DLGAP1: variants seen among roughly 807,000 people sequenced by gnomAD.
The protein encoded by DLGAP1 is disks large-associated protein 1.
Under a neutral mutation model 90.8 loss-of-function variants are expected in DLGAP1, and 11 were observed. That is an observed-to-expected ratio of 0.12 (90% CI 0.08 to 0.20). DLGAP1 has a LOEUF of 0.20. DLGAP1 is among the 10% of genes least tolerant of loss of function. The pLI is 1.00. For missense variants in DLGAP1, 1,050 were observed against 1,333.8 expected (o/e 0.79, Z 3.31); for synonymous variants, 558 against 540.7 (o/e 1.03, Z -0.44).
intron 1 of DLGAP1, among the ~76,000 whole-genome samples, chr18:4,193,689 T>TA (rs1386062896): frequency 1.3e-5 from 2 of 152,222 alleles, no homozygotes; most frequent in African/African-American, 4.8e-5. Context: ...CTTCTGTTAG[T>TA]GTTTTATAAA....
At chr18:3,551,722 C>CCCTCCCTCCCTTCCTACCTT (rs2053473560) in intron 9 of DLGAP1, among the ~76,000 whole-genome samples, 2 of 12,538 alleles carry the variant, frequency 1.6e-4, no homozygotes, top group African/African-American at 7.8e-4. Flanking sequence ...CTCCCTCCCT[C>CCCTCCCTCCCTTCCTACCTT]CCTTCCTTCC....
intron 1 of DLGAP1, among the ~76,000 whole-genome samples, chr18:4,371,155 T>C (rs553543492): frequency 4.7e-4 from 72 of 152,348 alleles, no homozygotes; most frequent in African/African-American, 1.7e-3. Context: ...TGCAGGTGTC[T>C]GAGATATAAG....
chr18:4,228,778 T>C lies in DLGAP1; in HGVS notation c.-266-77491A>G, dbSNP rs116224338. On this transcript the variant is annotated intron_variant, in intron 1 of 12. Coordinates refer to ENST00000315677, the MANE Select transcript of DLGAP1 (RefSeq NM_004746.4). The stretch of plus-strand genomic sequence containing the variant: ...TGAAAGCCTAGCCTCTAAGATCTGG[T>C]AAGCAACAAGCATGTACACTTTCAG... 2.1e-3 allele frequency among the ~76,000 whole-genome samples: 326 copies of C among 152,024 alleles called. 5 individuals carry two copies. The highest frequency in any genetic ancestry group is 7.6e-3 in the African/African-American group (316 of 41,532).
intron 3 of DLGAP1, among the ~76,000 whole-genome samples, chr18:3,933,830 C>T (rs2072573670): frequency 6.6e-6 from 1 of 152,114 alleles, no homozygotes; most frequent in African/African-American, 2.4e-5. Context: ...ACAATGTTTT[C>T]CAGTAGCCAT....
At chr18:4,106,049 AAAAAAAAAAAGTTGCAATT>A (rs2075860593) in intron 2 of DLGAP1, among the ~76,000 whole-genome samples, 1 of 116,676 alleles carries the variant, frequency 8.6e-6, no homozygotes, top group Non-Finnish European at 1.8e-5. Flanking sequence ...AAAAAAAAAA[AAAAAAAAAAAGTTGCAATT>A]AAACTAAAAA....
intron 2 of DLGAP1, among the ~76,000 whole-genome samples, chr18:4,135,039 T>C (rs1256056716): frequency 1.3e-5 from 2 of 152,108 alleles, no homozygotes; most frequent in African/African-American, 2.4e-5. Flanking sequence ...CAGTAGAAAC[T>C]ACCAGCAGAG....
intron 1 of DLGAP1, among the ~76,000 whole-genome samples, chr18:4,441,979 T>C (rs1435446331): frequency 1.3e-5 from 2 of 152,082 alleles, no homozygotes; most frequent in African/African-American, 4.8e-5. Context: ...CTGTAAACCA[T>C]CATATCACTT....
Position 4,266,478 on chromosome 18 carries a change from C to T in DLGAP1, c.-266-115191G>A, listed in dbSNP as rs147174718. ...GGCCTCGCTAGATCAACGGGGAGCA[C>T]AGAGCATAGGTATCTTCAGAGCTGA... On this transcript the variant is annotated intron_variant, in intron 1 of 12. Transcript: ENST00000315677. Among the ~76,000 whole-genome samples the T allele has an allele frequency of 2.0e-3, 305 of 152,336 alleles. 2 individuals carry two copies. Among genetic ancestry groups the T allele is most frequent in the African/African-American group, 6.7e-3 (279 of 41,588 alleles).
At chr18:3,708,247 TC>T in intron 7 of DLGAP1, 1 of 362,262 alleles carries the variant, frequency 2.8e-6, no homozygotes, top group South Asian at 2.1e-5. Flanking sequence ...CTTCAAGTGA[TC>T]CACCTGCCTC....
rs56188300 is a variant in DLGAP1, at chr18:3,521,304, T to C, written c.2480-12643A>G. ...GTTTCATTAAGGGAACTATAGGGTT[T>C]TCTTATCTCATGTAATTCTCATGCT... is the stretch of plus-strand genomic sequence containing the variant. On this transcript the variant is annotated intron_variant, in intron 10 of 12. Coordinates refer to ENST00000315677, the MANE Select transcript of DLGAP1 (RefSeq NM_004746.4). 9.6e-3 allele frequency among the ~76,000 whole-genome samples: 1,469 copies of C among 152,294 alleles called. 7 individuals are homozygous for C. Among genetic ancestry groups the C allele is most frequent in the Middle Eastern group, 0.017 (5 of 294 alleles).
At chr18:3,994,101 T>A (rs1190076114) in intron 3 of DLGAP1, among the ~76,000 whole-genome samples, 1 of 152,062 alleles carries the variant, frequency 6.6e-6, no homozygotes, top group Non-Finnish European at 1.5e-5. Flanking sequence ...CCTGTGACCC[T>A]CCCTTTCCTA....
At chr18:4,355,780 A>G (rs1420462126) in intron 1 of DLGAP1, among the ~76,000 whole-genome samples, 2 of 139,204 alleles carry the variant, frequency 1.4e-5, no homozygotes, top group African/African-American at 5.5e-5. Flanking sequence ...TTGTGAATCT[A>G]TAATTTCAAA....
At chr18:4,192,336 C>T (rs1385424883) in intron 1 of DLGAP1, among the ~76,000 whole-genome samples, 2 of 152,144 alleles carry the variant, frequency 1.3e-5, no homozygotes, top group African/African-American at 4.8e-5. Context: ...CTTGTCAATG[C>T]ACACCTTTCA....
Position 4,347,690 on chromosome 18 carries a change from C to T in DLGAP1, c.-267+107316G>A, listed in dbSNP as rs550675503. Among the ~76,000 whole-genome samples, 24 of 152,002 alleles carry T rather than the reference C, an allele frequency of 1.6e-4. No homozygotes were observed. The East Asian group carries it at 3.7e-3, about 23-fold the overall frequency. ...TATTAAAAATATATATTTGTCAATGCTAAAATTGGTATTTTAATTGGACAA... is the reference window on the plus strand; with the variant it reads ...TATTAAAAATATATATTTGTCAATGTTAAAATTGGTATTTTAATTGGACAA... On this transcript the variant is annotated intron_variant, in intron 1 of 12. Coordinates refer to ENST00000315677, the MANE Select transcript of DLGAP1 (RefSeq NM_004746.4).
At chr18:3,954,137 A>G (rs190011810) in intron 3 of DLGAP1, among the ~76,000 whole-genome samples, 279 of 152,334 alleles carry the variant, frequency 1.8e-3, no homozygotes, top group African/African-American at 6.4e-3. Context: ...GTAAGAAGGT[A>G]TTTTTATTTT....
At chr18:4,286,364 T>C (rs2079691713) in intron 1 of DLGAP1, among the ~76,000 whole-genome samples, 1 of 152,124 alleles carries the variant, frequency 6.6e-6, no homozygotes, top group African/African-American at 2.4e-5. Flanking sequence ...AGGACCGTTC[T>C]CTGAGCCTAG....
chr18:3,864,112 T>C (rs1237395926), intron 4 of DLGAP1, among the ~76,000 whole-genome samples: 1 of 152,194 alleles, frequency 6.6e-6, no homozygotes, highest in Non-Finnish European at 1.5e-5. Flanking sequence ...TAAAGAAATC[T>C]TGGTTGAATA....
intron 3 of DLGAP1, among the ~76,000 whole-genome samples, chr18:3,917,046 C>T (rs2072160889): frequency 6.6e-6 from 1 of 152,180 alleles, no homozygotes; most frequent in Non-Finnish European, 1.5e-5. Context: ...ATGAGCTAGT[C>T]AGCACTTCAT....
At chr18:3,970,666 C>T (rs990745356) in intron 3 of DLGAP1, among the ~76,000 whole-genome samples, 1 of 152,138 alleles carries the variant, frequency 6.6e-6, no homozygotes, top group African/African-American at 2.4e-5. Context: ...AATACAGTTT[C>T]ACTCTTAGTT....
Sources: allele counts gnomAD v4.1 joint callset (sites outside exome capture counted in the v4.1 genomes callset), GRCh38; gene constraint gnomAD v4.1.1; transcripts MANE v1.5; gene names NCBI Gene and HGNC (gene_info 2026-07-23, HGNC 2026-07-21).